Variants in STIM1 observed in about 807,000 individuals in gnomAD.
STIM1 encodes the protein stromal interaction molecule 1.
A neutral mutation model predicts 74.7 loss-of-function variants in STIM1; 25 were observed. The observed-to-expected ratio is 0.33, with a 90% confidence interval of 0.24 to 0.47. STIM1 has a LOEUF of 0.47. Among genes scored for constraint, STIM1 ranks in the 20% least tolerant of loss-of-function variants. The pLI is 1.00. For missense variants in STIM1, 728 were observed against 920.8 expected (o/e 0.79, Z 2.71); for synonymous variants, 328 against 348.8 (o/e 0.94, Z 0.66).
chr11:3,854,633 T>A (rs2090295147), upstream of STIM1: 1 of 152,242 alleles, frequency 6.6e-6, no homozygotes, highest in South Asian at 2.1e-4. Flanking sequence ...CTCAAGTCGC[T>A]GACACCTCCT....
At chr11:3,938,241 T>G (rs895104112) in intron 1 of STIM1, among the ~76,000 whole-genome samples, 2 of 152,116 alleles carry the variant, frequency 1.3e-5, no homozygotes, top group Admixed American at 6.5e-5. Flanking sequence ...CCCGGCCTGT[T>G]AGAGAAATTC....
intron 1 of STIM1, among the ~76,000 whole-genome samples, chr11:3,963,960 G>A (rs918508192): frequency 3.3e-5 from 5 of 152,292 alleles, no homozygotes; most frequent in Admixed American, 2.6e-4. Context: ...CTGCTCTGGG[G>A]GTAAAGAAGG....
intron 1 of STIM1, among the ~76,000 whole-genome samples, chr11:3,916,592 C>T (rs905901538): frequency 6.6e-6 from 1 of 151,968 alleles, no homozygotes; most frequent in South Asian, 2.1e-4. Flanking sequence ...GCTGGGATTA[C>T]AGGTGCCTGC....
intron 1 of STIM1, among the ~76,000 whole-genome samples, chr11:3,925,957 A>T (rs2092783296): frequency 6.6e-6 from 1 of 152,024 alleles, no homozygotes; most frequent in South Asian, 2.1e-4. Flanking sequence ...ATAATTTTGA[A>T]TTTTTTTGCC....
intron 5 of STIM1, among the ~76,000 whole-genome samples, chr11:4,062,186 A>G (rs2094335470): frequency 6.6e-6 from 1 of 152,256 alleles, no homozygotes; most frequent in Admixed American, 6.5e-5. Context: ...CAACAAAAGA[A>G]AGAATAGATA....
chr11:3,883,475 TC>T (rs369813186), intron 1 of STIM1, among the ~76,000 whole-genome samples: 236 of 152,342 alleles, frequency 1.5e-3, no homozygotes, highest in African/African-American at 5.1e-3. Flanking sequence ...TGCCTCAGCC[TC>T]CCGAGTAGCT....
intron 12 of STIM1, 96 bp downstream of exon 12, chr11:4,086,639 G>T: frequency 6.4e-7 from 1 of 1,570,384 alleles, no homozygotes. Context: ...AGTTCTGAAG[G>T]CTACGGGACC....
At chr11:3,881,820 G>A (rs1565099846) in intron 1 of STIM1, among the ~76,000 whole-genome samples, 1 of 151,930 alleles carries the variant, frequency 6.6e-6, no homozygotes, top group African/African-American at 2.4e-5. Flanking sequence ...TTGCAGGCAT[G>A]TACTACCACA....
At chr11:3,904,038 A>G (rs2092412322) in intron 1 of STIM1, among the ~76,000 whole-genome samples, 2 of 151,886 alleles carry the variant, frequency 1.3e-5, no homozygotes, top group Admixed American at 6.6e-5. Context: ...CTCTACTAAA[A>G]ATACAAAAAT....
chr11:3,908,204 A>G (rs2092499386), intron 1 of STIM1, among the ~76,000 whole-genome samples: 1 of 152,250 alleles, frequency 6.6e-6, no homozygotes, highest in Non-Finnish European at 1.5e-5. Context: ...TGAACAAATG[A>G]TTGAATAACC....
chr11:4,087,538 C>A (rs928770016), intron 12 of STIM1, among the ~76,000 whole-genome samples: 17 of 151,996 alleles, frequency 1.1e-4, no homozygotes, highest in African/African-American at 3.6e-4. Context: ...ACAGGTGAGG[C>A]TAGAATGACG....
intron 8 of STIM1, among the ~76,000 whole-genome samples, chr11:4,082,628 A>G (rs992123846): frequency 3.3e-5 from 5 of 152,178 alleles, no homozygotes; most frequent in Admixed American, 1.3e-4. Flanking sequence ...CCAGGCTGCC[A>G]TGGGGACAGA....
chr11:3,945,188 T>C (rs566838528), intron 1 of STIM1, among the ~76,000 whole-genome samples: 4 of 152,350 alleles, frequency 2.6e-5, no homozygotes, highest in African/African-American at 4.8e-5. Flanking sequence ...AAGAGAATAA[T>C]GGCAACTGCC....
intron 1 of STIM1, among the ~76,000 whole-genome samples, chr11:3,915,266 A>T (rs1345664598): frequency 6.6e-6 from 1 of 151,778 alleles, no homozygotes; most frequent in Non-Finnish European, 1.5e-5. Flanking sequence ...ATTTATTTTT[A>T]TTTTTTAGAG....
chr11:3,932,048 G>A (rs2092869113), intron 1 of STIM1, among the ~76,000 whole-genome samples: 1 of 152,156 alleles, frequency 6.6e-6, no homozygotes, highest in African/African-American at 2.4e-5. Flanking sequence ...CCTGGGCTGT[G>A]TGGTTTTCCT....
intron 3 of STIM1, among the ~76,000 whole-genome samples, chr11:4,044,611 GA>G (rs1391820794): frequency 6.6e-6 from 1 of 152,134 alleles, no homozygotes; most frequent in Non-Finnish European, 1.5e-5. Flanking sequence ...ACCCTACCTA[GA>G]TAGGGCATCT....
At chr11:4,061,712 G>A (rs982430103) in intron 5 of STIM1, among the ~76,000 whole-genome samples, 2 of 152,072 alleles carry the variant, frequency 1.3e-5, no homozygotes, top group Non-Finnish European at 2.9e-5. Context: ...AGCAGCACAT[G>A]TCACAAGAGC....
At position 3,903,936 on chromosome 11, in the gene STIM1, C is replaced by T. The variant is rs148129892; in HGVS notation, c.139+47527C>T. On this transcript the variant is annotated intron_variant, in intron 1 of 12. Coordinates refer to ENST00000526596, the MANE Select transcript of STIM1 (RefSeq NM_001382567.1). Reference sequence around the variant, plus strand: ...GGGAAAGGCTGGGCTTGGTGGCTCACGCCTGTAATCCCAGCACTTTGGGAG... The same window carrying T: ...GGGAAAGGCTGGGCTTGGTGGCTCATGCCTGTAATCCCAGCACTTTGGGAG... 4.1e-4 allele frequency among the ~76,000 whole-genome samples: 62 copies of T among 152,226 alleles called. 1 individual carries two copies. The highest frequency in any genetic ancestry group is 9.1e-4 in the African/African-American group (38 of 41,534).
chr11:4,020,126 A>G (rs1221656830), intron 2 of STIM1, among the ~76,000 whole-genome samples: 1 of 152,210 alleles, frequency 6.6e-6, no homozygotes, highest in Non-Finnish European at 1.5e-5. Flanking sequence ...ACAGAATTTC[A>G]TTCTTTTTTT....
Sources: gnomAD v4.1 joint callset for allele counts (sites outside exome capture counted in the v4.1 genomes callset) on GRCh38, gnomAD v4.1.1 for gene constraint, MANE v1.5 for transcripts, NCBI Gene and HGNC (gene_info 2026-07-23, HGNC 2026-07-21) for gene names.